FAF1: variants seen among roughly 807,000 people sequenced by gnomAD.
FAF1 encodes FAS-associated factor 1.
A neutral mutation model predicts 92.5 loss-of-function variants in FAF1; 25 were observed. The ratio of observed to expected loss-of-function variants is 0.27; its 90% CI spans 0.20 to 0.38. The LOEUF is 0.38. Ranked by LOEUF, FAF1 falls within the 10% of genes least tolerant of loss-of-function variation. The probability of loss-of-function intolerance (pLI) is 1.00; values close to 1 mark genes in which losing one functional copy is unlikely to be tolerated. For missense variants in FAF1, 636 were observed against 793.3 expected, an observed-to-expected ratio of 0.80 and a Z score of 2.38; for synonymous variants, 234 against 273.2, an observed-to-expected ratio of 0.86 and a Z score of 1.42.
chr1:50,550,242 T>G (rs1224853130), intron 13 of FAF1, among the ~76,000 whole-genome samples: 1 of 151,288 alleles, frequency 6.6e-6, no homozygotes, highest in African/African-American at 2.4e-5. Context: ...TCCCAGCTAC[T>G]TGGGAGGCTG....
chr1:50,598,634 C>G (rs981766488), intron 8 of FAF1, among the ~76,000 whole-genome samples: 1 of 152,072 alleles, frequency 6.6e-6, no homozygotes, highest in Admixed American at 6.5e-5. Context: ...TTCTTTTCTT[C>G]TTACAAACAG....
intron 1 of FAF1, among the ~76,000 whole-genome samples, chr1:50,946,836 C>T (rs1645175528): frequency 6.6e-6 from 1 of 152,218 alleles, no homozygotes; most frequent in Admixed American, 6.5e-5. Context: ...AAGAGGAACT[C>T]ACAGCCTAAA....
At chr1:50,693,343 C>T (rs1657023494) in intron 7 of FAF1, among the ~76,000 whole-genome samples, 1 of 152,074 alleles carries the variant, frequency 6.6e-6, no homozygotes, top group Non-Finnish European at 1.5e-5. Flanking sequence ...AATTAATTGA[C>T]CATAAATGTA....
chr1:50,732,193 G>A (rs1201007817), intron 6 of FAF1, among the ~76,000 whole-genome samples: 1 of 152,014 alleles, frequency 6.6e-6, no homozygotes, highest in African/African-American at 2.4e-5. Context: ...TCCCACCTCA[G>A]CCTCCCGAGT....
At chr1:50,551,335 A>C (rs1296585144) in intron 13 of FAF1, among the ~76,000 whole-genome samples, 1 of 152,222 alleles carries the variant, frequency 6.6e-6, no homozygotes, top group African/African-American at 2.4e-5. Context: ...TATATGGTAC[A>C]CATATGGTAC....
intron 8 of FAF1, among the ~76,000 whole-genome samples, chr1:50,634,352 G>A (rs1653919029): frequency 1.3e-5 from 2 of 151,984 alleles, no homozygotes; most frequent in African/African-American, 2.4e-5. Context: ...AAAACCCAAG[G>A]GTCTAAAAGT....
intron 6 of FAF1, among the ~76,000 whole-genome samples, chr1:50,732,496 C>A (rs1034512692): frequency 2.6e-5 from 4 of 152,180 alleles, no homozygotes; most frequent in Admixed American, 2.0e-4. Flanking sequence ...ATCTTCTTGG[C>A]AAATTGTCTT....
At chr1:50,518,743 A>G (rs1647333698) in intron 15 of FAF1, among the ~76,000 whole-genome samples, 1 of 152,150 alleles carries the variant, frequency 6.6e-6, no homozygotes, top group African/African-American at 2.4e-5. Context: ...CCCAGCCACA[A>G]GTTTTTGTGT....
chr1:50,550,351 TAAAAAAAA>T (rs11297579), intron 13 of FAF1, among the ~76,000 whole-genome samples: 1 of 108,366 alleles, frequency 9.2e-6, no homozygotes, highest in African/African-American at 3.5e-5. Flanking sequence ...ACTCCGTCTT[TAAAAAAAA>T]AAAAAAAAAA....
At chr1:50,652,122 C>T (rs1654891093) in intron 8 of FAF1, among the ~76,000 whole-genome samples, 1 of 152,092 alleles carries the variant, frequency 6.6e-6, no homozygotes, top group South Asian at 2.1e-4. Flanking sequence ...GGACAAGGTG[C>T]AAATGGCAAT....
chr1:50,670,135 A>G (rs1223767232), intron 7 of FAF1, among the ~76,000 whole-genome samples: 2 of 151,810 alleles, frequency 1.3e-5, no homozygotes, highest in Admixed American at 6.6e-5. Context: ...AAGAAAAAAA[A>G]AAAAAAAAAA....
At chr1:50,565,353 C>A (rs986077427) in intron 13 of FAF1, among the ~76,000 whole-genome samples, 6 of 151,954 alleles carry the variant, frequency 3.9e-5, no homozygotes, top group African/African-American at 1.5e-4. Flanking sequence ...TTGCTTAATT[C>A]AAAATGTAGA....
intron 5 of FAF1, among the ~76,000 whole-genome samples, chr1:50,741,389 C>G (rs936788870): frequency 1.3e-5 from 2 of 152,078 alleles, no homozygotes; most frequent in African/African-American, 4.8e-5. Context: ...GTTGTAGAGG[C>G]GAGAATGGGG....
Position 50,932,064 on chromosome 1 carries a change from G to A in FAF1, c.45+27703C>T, listed in dbSNP as rs773706429. Among the ~76,000 whole-genome samples, 50 of 149,774 alleles carry A rather than the reference G, an allele frequency of 3.3e-4. 1 individual carries two copies. Among genetic ancestry groups the A allele is most frequent in the South Asian group, 1.5e-3 (7 of 4,620 alleles). On this transcript the variant is annotated intron_variant, in intron 1 of 18. Coordinates refer to ENST00000396153, the MANE Select transcript of FAF1 (RefSeq NM_007051.3). The stretch of plus-strand genomic sequence containing the variant: ...TCCCATGATTCAATTACCTCCCCCC[G>A]GGTCCCTCCCACAACATGTGGCAAT...
intron 7 of FAF1, among the ~76,000 whole-genome samples, chr1:50,694,028 T>C (rs956630776): frequency 3.9e-5 from 6 of 152,110 alleles, no homozygotes; most frequent in Admixed American, 6.6e-5. Flanking sequence ...ATATGACATA[T>C]ATATGACATA....
intron 1 of FAF1, among the ~76,000 whole-genome samples, chr1:50,885,295 T>TTCTCTCTCTC (rs147647466): frequency 0.016 from 2,244 of 137,406 alleles, 88 homozygotes; most frequent in African/African-American, 0.05. Context: ...CCGTGTCTCT[T>TTCTCTCTCTC]TCTCTCTCTC....
intron 6 of FAF1, among the ~76,000 whole-genome samples, chr1:50,724,131 G>A (rs892349837): frequency 2.0e-5 from 3 of 151,692 alleles, no homozygotes; most frequent in African/African-American, 7.3e-5. Context: ...CACTTGGGAG[G>A]CTAAGGCAGG....
At chr1:50,731,306 G>T (rs1392683663) in intron 6 of FAF1, among the ~76,000 whole-genome samples, 2 of 151,924 alleles carry the variant, frequency 1.3e-5, no homozygotes, top group Non-Finnish European at 2.9e-5. Flanking sequence ...GCTAACTGCT[G>T]AGGTACTAGA....
chr1:50,573,948 C>T (rs540778438), intron 12 of FAF1, among the ~76,000 whole-genome samples: 134 of 151,716 alleles, frequency 8.8e-4, no homozygotes, highest in African/African-American at 2.9e-4. Context: ...GCCAACAGGG[C>T]GAAACCCCAT....
Sources: allele counts gnomAD v4.1 joint callset (sites outside exome capture counted in the v4.1 genomes callset), GRCh38; gene constraint gnomAD v4.1.1; transcripts MANE v1.5; gene names NCBI Gene and HGNC (gene_info 2026-07-23, HGNC 2026-07-21).